SLC35F4: variants seen among roughly 807,000 people sequenced by gnomAD.
SLC35F4 encodes the protein chromosome 14 open reading frame 36.
SLC35F4 carries 24 observed loss-of-function variants against 44.2 expected under a neutral mutation model. The ratio of observed to expected loss-of-function variants is 0.54; its 90% CI spans 0.39 to 0.76. The LOEUF (loss-of-function observed/expected upper bound fraction) is 0.76. SLC35F4 is among the 30% of genes least tolerant of loss of function. The probability of loss-of-function intolerance (pLI) is 0.00; values close to 1 mark genes in which losing one functional copy is unlikely to be tolerated. For missense variants in SLC35F4, 562 were observed against 586.1 expected, an observed-to-expected ratio of 0.96 and a Z score of 0.42; for synonymous variants, 238 against 223.6, an observed-to-expected ratio of 1.06 and a Z score of -0.57.
At chr14:57,605,693 A>C (rs1260365259) in intron 1 of SLC35F4, among the ~76,000 whole-genome samples, 1 of 152,174 alleles carries the variant, frequency 6.6e-6, no homozygotes, top group Admixed American at 6.5e-5. Context: ...TTGTAAAGAC[A>C]TAGAATCAAC....
chr14:57,866,022 C>A lies in SLC35F4; in HGVS notation c.-197G>T, dbSNP rs945383244. The stretch of plus-strand genomic sequence containing the variant: ...CGGCGGCGGCGGCGGCGGAGCGGCC[C>A]CCACTCGGGCCGGCCTCTCCGTCAG... On this transcript the variant is annotated 5_prime_UTR_variant, in exon 1 of 8. Transcript: ENST00000556826. 2 of 322,516 alleles carry A rather than the reference C, an allele frequency of 6.2e-6. No homozygotes were observed. Among genetic ancestry groups the A allele is most frequent in the Non-Finnish European group, 1.1e-5 (2 of 184,528 alleles). The allele number at this position is 322,516 out of a possible 1,614,324, so 20.0% of individuals were successfully genotyped here.
chr14:57,670,264 A>G (rs1258135703), intron 1 of SLC35F4, among the ~76,000 whole-genome samples: 2 of 151,348 alleles, frequency 1.3e-5, no homozygotes, highest in Admixed American at 1.3e-4. Flanking sequence ...AATTTTGTTG[A>G]TCTTTTCAAA....
chr14:57,667,678 G>C lies in SLC35F4; in HGVS notation c.104-73554C>G, dbSNP rs555979853. On this transcript the variant is annotated intron_variant, in intron 1 of 7. Transcript: ENST00000556826. Reference sequence around the variant, plus strand: ...AGGACATGAACTCATCCTTGTTTATGGCTGCAGAGTATTCCATGGTGTATA... The same window carrying C: ...AGGACATGAACTCATCCTTGTTTATCGCTGCAGAGTATTCCATGGTGTATA... Among the ~76,000 whole-genome samples the C allele has an allele frequency of 2.0e-5, 3 of 151,854 alleles. No individual in the cohort carries two copies. The South Asian group carries it at 6.3e-4, about 32-fold the overall frequency.
intron 1 of SLC35F4, among the ~76,000 whole-genome samples, chr14:57,883,872 AT>A (rs1888593151): frequency 6.6e-6 from 1 of 152,122 alleles, no homozygotes; most frequent in African/African-American, 2.4e-5. Flanking sequence ...AGGTCCATCT[AT>A]TTTTTAACAA....
chr14:57,672,477 A>G (rs933522911), intron 1 of SLC35F4, among the ~76,000 whole-genome samples: 1 of 152,130 alleles, frequency 6.6e-6, no homozygotes, highest in Non-Finnish European at 1.5e-5. Flanking sequence ...TGAAGGAAAA[A>G]TTCAGGTCCC....
At chr14:57,608,211 C>T (rs762143339) in intron 1 of SLC35F4, among the ~76,000 whole-genome samples, 15 of 152,068 alleles carry the variant, frequency 9.9e-5, no homozygotes, top group East Asian at 7.7e-4. Flanking sequence ...TCCCACTCTC[C>T]CTCCCCTCCG....
intron 1 of SLC35F4, among the ~76,000 whole-genome samples, chr14:57,653,896 C>T (rs762559909): frequency 5.9e-5 from 9 of 152,156 alleles, no homozygotes; most frequent in Non-Finnish European, 1.0e-4. Context: ...GGTATTGATA[C>T]AGTTGGTTCC....
chr14:57,751,340 T>G (rs977806528), intron 1 of SLC35F4, among the ~76,000 whole-genome samples: 1 of 152,162 alleles, frequency 6.6e-6, no homozygotes, highest in Non-Finnish European at 1.5e-5. Flanking sequence ...ATGAGAAAAT[T>G]GGCATAGAGA....
At chr14:57,889,055 G>T (rs1240543051) in intron 1 of SLC35F4, among the ~76,000 whole-genome samples, 1 of 152,164 alleles carries the variant, frequency 6.6e-6, no homozygotes, top group Non-Finnish European at 1.5e-5. Context: ...TGAGATTTTT[G>T]AAATAATCAC....
At chr14:57,763,346 A>G (rs951259832) in intron 1 of SLC35F4, among the ~76,000 whole-genome samples, 9 of 152,208 alleles carry the variant, frequency 5.9e-5, no homozygotes, top group African/African-American at 2.2e-4. Context: ...TTTCCTTAGC[A>G]CAACTAAGAC....
At chr14:57,933,822 T>C (rs1212095523) in intron 1 of SLC35F4, among the ~76,000 whole-genome samples, 1 of 152,082 alleles carries the variant, frequency 6.6e-6, no homozygotes, top group African/African-American at 2.4e-5. Flanking sequence ...ATAAAATGAA[T>C]CAGGAAGAAA....
At chr14:57,650,563 A>C (rs4901803) in intron 1 of SLC35F4, among the ~76,000 whole-genome samples, 148,109 of 152,204 alleles carry the variant, frequency 0.97, 72,188 homozygotes, top group Non-Finnish European at 1. Flanking sequence ...TCCAGCCCAG[A>C]CCACTACGAT....
chr14:57,602,938 C>T (rs780851639), intron 1 of SLC35F4, among the ~76,000 whole-genome samples: 29 of 152,242 alleles, frequency 1.9e-4, no homozygotes, highest in Non-Finnish European at 3.7e-4. Flanking sequence ...CCAAACACAC[C>T]CATGTCTTAT....
chr14:57,798,985 T>C (rs2078121625), intron 1 of SLC35F4, among the ~76,000 whole-genome samples: 1 of 152,232 alleles, frequency 6.6e-6, no homozygotes, highest in South Asian at 2.1e-4. Context: ...AATAGAATTA[T>C]GTAGCCAATT....
intron 1 of SLC35F4, among the ~76,000 whole-genome samples, chr14:57,748,848 A>C (rs1351522172): frequency 6.6e-6 from 1 of 152,212 alleles, no homozygotes; most frequent in Non-Finnish European, 1.5e-5. Flanking sequence ...GAGTCAACTA[A>C]AATTGCAAAG....
At chr14:57,654,773 G>C (rs1029890204) in intron 1 of SLC35F4, among the ~76,000 whole-genome samples, 2 of 152,084 alleles carry the variant, frequency 1.3e-5, no homozygotes, top group East Asian at 3.9e-4. Context: ...AATTACACTT[G>C]CAACAACCTA....
intron 1 of SLC35F4, among the ~76,000 whole-genome samples, chr14:57,956,600 A>G (rs1404030547): frequency 3.9e-5 from 6 of 152,214 alleles, no homozygotes; most frequent in Admixed American, 6.5e-5. Flanking sequence ...ACAAGAAAAA[A>G]ACAAACAACC....
At chr14:57,564,411 G>T (rs1157972601) in intron 7 of SLC35F4, 35 bp from the exon 8 acceptor site, 1 of 1,575,346 alleles carries the variant, frequency 6.3e-7, no homozygotes, top group African/African-American at 1.3e-5. Context: ...CATTTCCTAT[G>T]CCTGTTTCTA....
At chr14:57,863,771 TG>T (rs1174813496) in intron 1 of SLC35F4, among the ~76,000 whole-genome samples, 1 of 152,252 alleles carries the variant, frequency 6.6e-6, no homozygotes, top group East Asian at 1.9e-4. Flanking sequence ...ATGAGCATCC[TG>T]AGATTTATCT....
Sources: allele counts gnomAD v4.1 joint callset (sites outside exome capture counted in the v4.1 genomes callset), GRCh38; gene constraint gnomAD v4.1.1; transcripts MANE v1.5; gene names NCBI Gene and HGNC (gene_info 2026-07-23, HGNC 2026-07-21).